PTGFRN: variants seen among roughly 807,000 people sequenced by gnomAD.
PTGFRN encodes the protein prostaglandin F2 receptor inhibitor.
PTGFRN carries 35 observed loss-of-function variants against 83.2 expected under a neutral mutation model. That is an observed-to-expected ratio of 0.42 (90% CI 0.32 to 0.56). The LOEUF is 0.56. Among genes scored for constraint, PTGFRN ranks in the 20% least tolerant of loss-of-function variants. The pLI, the probability that PTGFRN is intolerant of heterozygous loss-of-function variation, is 0.11. For synonymous variants in PTGFRN, 519 were observed against 498.6 expected (o/e 1.04, Z -0.55); for missense variants, 1,051 against 1,179.5 (o/e 0.89, Z 1.60).
At chr1:116,979,388 A>G (rs867357459) in intron 7 of PTGFRN, among the ~76,000 whole-genome samples, 1 of 152,338 alleles carries the variant, frequency 6.6e-6, no homozygotes, top group African/African-American at 2.4e-5. Flanking sequence ...TTCATATGGC[A>G]CCAAAAAAGA....
chr1:116,934,407 A>G (rs1365737170), intron 1 of PTGFRN, among the ~76,000 whole-genome samples: 1 of 152,084 alleles, frequency 6.6e-6, no homozygotes, highest in Non-Finnish European at 1.5e-5. Context: ...TCAGCCTCCC[A>G]GTGTGCTGGG....
Position 116,923,874 on chromosome 1 carries a change from G to T in PTGFRN, c.49+13622G>T, listed in dbSNP as rs995592579. Among the ~76,000 whole-genome samples the T allele has an allele frequency of 6.6e-6, 1 of 151,994 alleles. No individual in the cohort carries two copies. The highest frequency in any genetic ancestry group is 2.4e-5 in the African/African-American group (1 of 41,348). ...TGTCGAGCATTATTCTGGATCTGGG[G>T]GCACCTAAAAACATAGATCGACACA... On this transcript the variant is annotated intron_variant, in intron 1 of 8. Coordinates refer to ENST00000393203, the MANE Select transcript of PTGFRN (RefSeq NM_020440.4). The surrounding 1 kb of genome is among the most constrained non-coding windows in gnomAD (Gnocchi z 4.0).
chr1:116,920,278 T>C (rs1230586705), intron 1 of PTGFRN, among the ~76,000 whole-genome samples: 1 of 152,246 alleles, frequency 6.6e-6, no homozygotes, highest in East Asian at 1.9e-4. Context: ...TAACTGGGCT[T>C]TCAGGCAGAC....
At chr1:116,951,741 G>C (rs1047601734) in intron 4 of PTGFRN, among the ~76,000 whole-genome samples, 3 of 151,844 alleles carry the variant, frequency 2.0e-5, no homozygotes, top group Admixed American at 6.6e-5. Context: ...TTGGACACTT[G>C]TCAGGAGCGG....
chr1:116,945,199 T>C, intron 3 of PTGFRN, 107 bp downstream of exon 3: 1 of 1,389,508 alleles, frequency 7.2e-7, no homozygotes, highest in South Asian at 1.5e-5. Context: ...GAACTGTTTC[T>C]GCTTCCCATG....
In PTGFRN at chr1:116,961,365, T is replaced by G. The variant is rs1240627732; in HGVS notation, c.1336T>G (p.Ser446Ala). The G allele has an allele frequency of 2.5e-6, 4 of 1,600,698 alleles. No individual in the cohort carries two copies. In the African/African-American group the frequency reaches 5.4e-5, roughly 21 times the overall value. Reference protein sequence around the residue: ...SGEANVRFTVSWYYRMNRRSD... With the variant: ...SGEANVRFTVAWYYRMNRRSD... ...GGAGGCGAATGTCCGATTCACGGTT[T>G]CGTGGTACTACAGGATGAACCGGCG... Residue 446 changes from serine to alanine, a missense_variant, in exon 5 of 9, where the codon TCG (serine) becomes GCG (alanine). Ser to Ala is a moderately conservative substitution (Grantham distance 99). Coordinates refer to ENST00000393203, the MANE Select transcript of PTGFRN (RefSeq NM_020440.4). The surrounding 1 kb of genome is among the most constrained non-coding windows in gnomAD (Gnocchi z 5.4).
In PTGFRN at chr1:116,987,249, C is replaced by G; in HGVS notation, c.*282C>G. On this transcript the variant is annotated 3_prime_UTR_variant, in exon 9 of 9. Coordinates refer to ENST00000393203, the MANE Select transcript of PTGFRN (RefSeq NM_020440.4). ...TAACCTTCATCTAATTTTTTTTCTCCCACTGGTTTATAGATCCTCTGACTT... is the reference window on the plus strand; with the variant it reads ...TAACCTTCATCTAATTTTTTTTCTCGCACTGGTTTATAGATCCTCTGACTT... 1 of 347,976 alleles carries G rather than the reference C, an allele frequency of 2.9e-6. No individual in the cohort carries two copies. Among genetic ancestry groups the G allele is most frequent in the Non-Finnish European group, 5.4e-6 (1 of 185,762 alleles). 21.6% of individuals were successfully genotyped at this position (347,976 alleles called of 1,614,324 possible). A position where few individuals can be genotyped will look rare whatever the true frequency, so the allele number is the denominator to read the frequency against.
chr1:116,953,705 T>G (rs955188551), intron 4 of PTGFRN, among the ~76,000 whole-genome samples: 1 of 152,030 alleles, frequency 6.6e-6, no homozygotes, highest in Non-Finnish European at 1.5e-5. Context: ...ATGTGTGTCC[T>G]AAAAGCAGCT....
intron 1 of PTGFRN, among the ~76,000 whole-genome samples, chr1:116,912,365 T>C (rs890148053): frequency 1.3e-5 from 2 of 152,232 alleles, no homozygotes; most frequent in African/African-American, 4.8e-5. Context: ...TGGGAAGGTC[T>C]CGCTGTGTTA....
At chr1:116,983,813 T>C (rs1276265862) in intron 7 of PTGFRN, among the ~76,000 whole-genome samples, 3 of 152,196 alleles carry the variant, frequency 2.0e-5, no homozygotes, top group Non-Finnish European at 2.9e-5. Context: ...AAGACAACAG[T>C]GTCATGGCTG....
At position 116,941,284 on chromosome 1, in the gene PTGFRN, GC is replaced by G. The variant is rs1032409019; in HGVS notation, c.50-427del. Among the ~76,000 whole-genome samples, 4 of 152,196 alleles carry G rather than the reference GC, an allele frequency of 2.6e-5. No individual in the cohort carries two copies. Among genetic ancestry groups the G allele is most frequent in the African/African-American group, 9.7e-5 (4 of 41,436 alleles). The stretch of plus-strand genomic sequence containing the variant: ...CGTCATTGTAAATCAGGTCTCAGGA[GC>G]CCCAGGGAATGGTCTCTAGGGATGA... On this transcript the variant is annotated intron_variant, in intron 1 of 8. Transcript: ENST00000393203. This position sits in a 1 kb window ranked among gnomAD's most constrained non-coding sequence, Gnocchi z 5.0.
chr1:116,976,039 G>T (rs1330523208), intron 7 of PTGFRN, among the ~76,000 whole-genome samples: 2 of 152,178 alleles, frequency 1.3e-5, no homozygotes, highest in Non-Finnish European at 2.9e-5. Flanking sequence ...TGACCTTATG[G>T]AGCTGAAAAC....
intron 1 of PTGFRN, among the ~76,000 whole-genome samples, chr1:116,913,039 C>G (rs1426114394): frequency 6.6e-6 from 1 of 152,198 alleles, no homozygotes; most frequent in East Asian, 1.9e-4. Context: ...TGAGTGGCCA[C>G]TCTGTGTGCA....
At chr1:116,986,655 A>G (rs1464461882) in intron 8 of PTGFRN, 146 bp from the exon 9 acceptor site, 1 of 670,398 alleles carries the variant, frequency 1.5e-6, no homozygotes, top group African/African-American at 1.8e-5. Flanking sequence ...TCCTGTCTCC[A>G]GTGGTGTGCT....
chr1:116,933,788 A>G (rs1056965498), intron 1 of PTGFRN, among the ~76,000 whole-genome samples: 1 of 152,150 alleles, frequency 6.6e-6, no homozygotes, highest in African/African-American at 2.4e-5. Context: ...ATTTCCGTTG[A>G]AAGTTAGCCA....
intron 5 of PTGFRN, among the ~76,000 whole-genome samples, chr1:116,963,798 G>GTCT (rs1650742084): frequency 6.6e-6 from 1 of 151,494 alleles, no homozygotes; most frequent in Non-Finnish European, 1.5e-5. Context: ...TTGAGACAGG[G>GTCT]TCTTGCTCTG....
rs559260260 is a variant in PTGFRN at position 116,960,487 on chromosome 1, G to A, written c.1214-756G>A. Reference sequence around the variant, plus strand: ...GAAACAGGACCGTGGCAGAGGCAAGGGGATGCTAGGAGAATGCTGGCTTCC... The same window carrying A: ...GAAACAGGACCGTGGCAGAGGCAAGAGGATGCTAGGAGAATGCTGGCTTCC... On this transcript the variant is annotated intron_variant, in intron 4 of 8. Coordinates refer to ENST00000393203, the MANE Select transcript of PTGFRN (RefSeq NM_020440.4). Among the ~76,000 whole-genome samples, 10 of 152,306 alleles carry A rather than the reference G, an allele frequency of 6.6e-5. No individual in the cohort carries two copies. The South Asian group carries it at 2.1e-3, about 32-fold the overall frequency.
chr1:116,948,375 A>G (rs1014080336), intron 3 of PTGFRN, among the ~76,000 whole-genome samples: 13 of 152,260 alleles, frequency 8.5e-5, no homozygotes, highest in African/African-American at 2.7e-4. Flanking sequence ...ACTTTTAATT[A>G]TCCACACTAA....
chr1:116,953,262 A>G (rs1197291996), intron 4 of PTGFRN, among the ~76,000 whole-genome samples: 3 of 152,252 alleles, frequency 2.0e-5, no homozygotes. Flanking sequence ...TTTATTTAAA[A>G]GAGCTGTTAA....
Sources: gnomAD v4.1 joint callset for allele counts (sites outside exome capture counted in the v4.1 genomes callset) on GRCh38, gnomAD v4.1.1 for gene constraint, Gnocchi (gnomAD v3.1) non-coding constraint, MANE v1.5 for transcripts, NCBI Gene and HGNC (gene_info 2026-07-23, HGNC 2026-07-21) for gene names.